The following GORAB variants were observed in gnomAD, a reference collection of about 807,000 sequenced individuals.
The protein encoded by GORAB is RAB6-interacting golgin.
Under a neutral mutation model 29.9 loss-of-function variants are expected in GORAB, and 17 were observed. That is an observed-to-expected ratio of 0.57 (90% confidence interval 0.39 to 0.85). GORAB has a LOEUF of 0.85. GORAB is among the 40% of genes least tolerant of loss of function. GORAB has a pLI of 0.00. For missense variants in GORAB, 442 were observed against 437.8 expected, an observed-to-expected ratio of 1.01 and a Z score of -0.09; for synonymous variants, 183 against 157.2, an observed-to-expected ratio of 1.16 and a Z score of -1.23.
chr1:170,538,803 C>A lies in GORAB; in HGVS notation c.62-407C>A, dbSNP rs928552457. Among the ~76,000 whole-genome samples the A allele has an allele frequency of 4.6e-5, 7 of 152,128 alleles. No individual in the cohort carries two copies. The East Asian group carries it at 1.3e-3, about 29-fold the overall frequency. On this transcript the variant is annotated intron_variant, in intron 1 of 4. Transcript: ENST00000367763. Reference sequence around the variant, plus strand: ...GTAATCCCATTTGAAAATGCAACCACCATTTTGTTTCAGTAGAGCAGACAG... The same window carrying A: ...GTAATCCCATTTGAAAATGCAACCAACATTTTGTTTCAGTAGAGCAGACAG...
chr1:170,541,604 A>G (rs1201864287), intron 2 of GORAB, among the ~76,000 whole-genome samples: 1 of 152,152 alleles, frequency 6.6e-6, no homozygotes, highest in Admixed American at 6.6e-5. Flanking sequence ...ATGTGATATA[A>G]TGGCTGTAAG....
Position 170,545,472 on chromosome 1 carries a change from A to G in GORAB, c.662+627A>G, listed in dbSNP as rs1422621899. 5 of 979,482 alleles carry G rather than the reference A, an allele frequency of 5.1e-6. No homozygotes were observed. The East Asian group carries it at 5.7e-4, about 111-fold the overall frequency. The allele number at this position is 979,482 out of a possible 1,614,324, so 60.7% of individuals were successfully genotyped here. Reference sequence around the variant, plus strand: ...CATTTTTTAAAAGAGAAAAAATACCATGGAGTATTTTTAAAATGAACTAAC... The same window carrying G: ...CATTTTTTAAAAGAGAAAAAATACCGTGGAGTATTTTTAAAATGAACTAAC... On this transcript the variant is annotated intron_variant, in intron 4 of 4. Coordinates refer to ENST00000367763, the MANE Select transcript of GORAB (RefSeq NM_152281.3).
chr1:170,552,758 T>G lies in GORAB; in HGVS notation c.*296T>G, dbSNP rs1408991861. 2 of 484,380 alleles carry G rather than the reference T, an allele frequency of 4.1e-6. No homozygotes were observed. Among genetic ancestry groups the G allele is most frequent in the East Asian group, 1.2e-4 (2 of 16,814 alleles). 30.0% of individuals were successfully genotyped at this position (484,380 alleles called of 1,614,324 possible). On this transcript the variant is annotated 3_prime_UTR_variant, in exon 5 of 5. Coordinates refer to ENST00000367763, the MANE Select transcript of GORAB (RefSeq NM_152281.3). ...AGAAAAACTACATGGTTGGAGTGTTTTTAGATCAGATAAATATAGAAAAGT... is the reference window on the plus strand; with the variant it reads ...AGAAAAACTACATGGTTGGAGTGTTGTTAGATCAGATAAATATAGAAAAGT...
At position 170,539,503 on chromosome 1, in the gene GORAB, C is replaced by A; in HGVS notation, c.355C>A (p.His119Asn). 1 of 1,613,984 alleles carries A rather than the reference C, an allele frequency of 6.2e-7. No individual in the cohort carries two copies. The highest frequency in any genetic ancestry group is 1.1e-5 in the South Asian group (1 of 91,046). The change falls in exon 2 of 5, where the codon CAC (histidine) becomes AAC (asparagine). Residue 119 changes from histidine to asparagine, a missense_variant. Transcript: ENST00000367763. ...ELGLENSHDG[H>N]NNVEILPPKP... is the part of the protein sequence containing the mutation. The stretch of plus-strand genomic sequence containing the variant: ...GGGACTTGAGAATTCCCATGATGGT[C>A]ACAACAATGTTGAGATTCTACCTCC...
intron 4 of GORAB, among the ~76,000 whole-genome samples, chr1:170,547,584 A>G (rs1040748278): frequency 6.6e-6 from 1 of 152,216 alleles, no homozygotes; most frequent in African/African-American, 2.4e-5. Context: ...GGTTTCATAG[A>G]CACCCTCATA....
intron 2 of GORAB, among the ~76,000 whole-genome samples, chr1:170,542,239 T>A (rs1040562170): frequency 6.6e-6 from 1 of 152,186 alleles, no homozygotes; most frequent in Non-Finnish European, 1.5e-5. Flanking sequence ...GATTCCTAGA[T>A]TATATATATA....
Position 170,542,553 on chromosome 1 carries a change from A to C in GORAB, c.482A>C (p.Lys161Thr). The change falls in exon 3 of 5, where the codon AAA (lysine) becomes ACA (threonine). Residue 161 changes from lysine (K) to threonine (T), a missense_variant. By Grantham distance (78) the Lys-to-Thr change is moderately conservative. Coordinates refer to ENST00000367763, the MANE Select transcript of GORAB (RefSeq NM_152281.3). ...QEQRLMEEKN[K>T]RKKALLAKAI... ...CAACGGCTAATGGAAGAGAAAAATA[A>C]ACGTAAAAAAGCTCTTTTGGCTAAA... 6.2e-7 allele frequency: 1 copy of C among 1,613,874 alleles called. No homozygotes were observed. The highest frequency in any genetic ancestry group is 8.5e-7 in the Non-Finnish European group (1 of 1,179,820).
intron 4 of GORAB, 107 bp downstream of exon 4, chr1:170,544,952 C>A: frequency 6.6e-7 from 1 of 1,518,664 alleles, no homozygotes; most frequent in Non-Finnish European, 8.9e-7. Flanking sequence ...CTCAAAACAA[C>A]CCCATTCAGT....
At chr1:170,539,142 T>G (rs914443995) in intron 1 of GORAB, 68 bp from the exon 2 acceptor site, 53 of 1,578,268 alleles carry the variant, frequency 3.4e-5, no homozygotes, top group Non-Finnish European at 4.4e-5. Flanking sequence ...AATTTTTTAT[T>G]TTCTTAGAGG....
intron 1 of GORAB, chr1:170,532,487 T>C (rs1648755317): frequency 5.1e-6 from 3 of 589,160 alleles, no homozygotes; most frequent in African/African-American, 3.7e-5. Flanking sequence ...AGGACTGGGA[T>C]CTTCTTTTAG....
intron 3 of GORAB, among the ~76,000 whole-genome samples, chr1:170,542,854 T>G (rs1313491453): frequency 6.6e-6 from 1 of 151,514 alleles, no homozygotes; most frequent in African/African-American, 2.4e-5. Flanking sequence ...GCTCCCAGTT[T>G]TAACCATCTA....
intron 1 of GORAB, among the ~76,000 whole-genome samples, chr1:170,535,575 C>A (rs953521821): frequency 1.1e-4 from 16 of 152,158 alleles, no homozygotes; most frequent in African/African-American, 3.9e-4. Flanking sequence ...GGCTTTCACT[C>A]TGTTGCCCAG....
At chr1:170,540,439 A>G (rs1239190472) in intron 2 of GORAB, among the ~76,000 whole-genome samples, 1 of 151,792 alleles carries the variant, frequency 6.6e-6, no homozygotes. Flanking sequence ...GTTCTTTTCA[A>G]AGTATCTTTT....
At chr1:170,551,138 C>A (rs928581743) in intron 4 of GORAB, among the ~76,000 whole-genome samples, 1 of 152,166 alleles carries the variant, frequency 6.6e-6, no homozygotes, top group Non-Finnish European at 1.5e-5. Flanking sequence ...CAACTGGGAG[C>A]ATTTGTGTCC....
intron 2 of GORAB, among the ~76,000 whole-genome samples, chr1:170,541,339 T>G (rs1444477865): frequency 3.3e-4 from 50 of 151,776 alleles, no homozygotes; most frequent in Non-Finnish European, 6.6e-4. Flanking sequence ...AGTTCACTAA[T>G]GCAGCAAGTT....
chr1:170,546,347 G>A (rs931429366), intron 4 of GORAB, among the ~76,000 whole-genome samples: 5 of 151,528 alleles, frequency 3.3e-5, no homozygotes, highest in Non-Finnish European at 7.4e-5. Context: ...CCAAGATTGC[G>A]CCACTGCACT....
At chr1:170,547,155 G>A (rs562203761) in intron 4 of GORAB, among the ~76,000 whole-genome samples, 7 of 152,086 alleles carry the variant, frequency 4.6e-5, no homozygotes, top group Non-Finnish European at 1.0e-4. Flanking sequence ...TAATATTATG[G>A]TCCAGATTTG....
chr1:170,544,596 A>G (rs1269562037), intron 3 of GORAB, 109 bp from the exon 4 acceptor site: 4 of 722,186 alleles, frequency 5.5e-6, no homozygotes, highest in Non-Finnish European at 8.6e-6. Context: ...AACTTTTAAA[A>G]TATAAATTAT....
chr1:170,541,681 A>G (rs980163597), intron 2 of GORAB, among the ~76,000 whole-genome samples: 3 of 152,234 alleles, frequency 2.0e-5, no homozygotes, highest in Admixed American at 6.5e-5. Flanking sequence ...CATCAAGCTC[A>G]TGACTTTATG....
Sources: allele counts gnomAD v4.1 joint callset (sites outside exome capture counted in the v4.1 genomes callset), GRCh38; gene constraint gnomAD v4.1.1; transcripts MANE v1.5; gene names NCBI Gene and HGNC (gene_info 2026-07-23, HGNC 2026-07-21).